PKHD1: variants seen among roughly 807,000 people sequenced by gnomAD.
PKHD1 encodes PKHD1 ciliary IPT domain containing fibrocystin/polyductin.
PKHD1 carries 291 observed loss-of-function variants against 412.0 expected under a neutral mutation model. That is an observed-to-expected ratio of 0.71 (90% CI 0.64 to 0.78). The LOEUF (loss-of-function observed/expected upper bound fraction) is 0.78. PKHD1 is among the 30% of genes least tolerant of loss of function. PKHD1 has a pLI of 0.00. For synonymous variants in PKHD1, 1,777 were observed against 1,821.5 expected, an observed-to-expected ratio of 0.98 and a Z score of 0.62; for missense variants, 4,825 against 4,950.7, an observed-to-expected ratio of 0.97 and a Z score of 0.76.
intron 42 of PKHD1, 22 bp from the exon 43 acceptor site, chr6:51,903,749 G>A (rs769004655): frequency 1.3e-6 from 2 of 1,599,652 alleles, no homozygotes; most frequent in Admixed American, 1.7e-5. Context: ...ACAAATCCAG[G>A]GGATCCACAA....
At chr6:51,832,117 T>C (rs1181810506) in intron 51 of PKHD1, among the ~76,000 whole-genome samples, 2 of 152,118 alleles carry the variant, frequency 1.3e-5, no homozygotes, top group Non-Finnish European at 2.9e-5. Flanking sequence ...AAATAACATG[T>C]CACCCTTGCC....
At chr6:51,894,088 G>A (rs1166700701) in intron 43 of PKHD1, among the ~76,000 whole-genome samples, 1 of 152,228 alleles carries the variant, frequency 6.6e-6, no homozygotes, top group Non-Finnish European at 1.5e-5. Flanking sequence ...CACAGGTTAT[G>A]TCTTCTGGAA....
intron 60 of PKHD1, among the ~76,000 whole-genome samples, chr6:51,703,878 G>C (rs1440432615): frequency 6.6e-6 from 1 of 151,972 alleles, no homozygotes; most frequent in Non-Finnish European, 1.5e-5. Context: ...AGCTCATCTG[G>C]AAATAAACAT....
chr6:51,966,265 AC>A (rs1792792574), intron 35 of PKHD1, among the ~76,000 whole-genome samples: 1 of 152,128 alleles, frequency 6.6e-6, no homozygotes, highest in East Asian at 1.9e-4. Flanking sequence ...TGTAAGATGT[AC>A]CTTGGTTCCA....
chr6:51,773,212 G>A lies in PKHD1; in HGVS notation c.8555-423C>T, dbSNP rs540490511. 5.3e-5 allele frequency among the ~76,000 whole-genome samples: 8 copies of A among 152,104 alleles called. No individual in the cohort carries two copies. The South Asian group carries it at 1.7e-3, about 32-fold the overall frequency. On this transcript the variant is annotated intron_variant, in intron 54 of 66. Transcript: ENST00000371117. ...GTTAACTCTATTTCCTTAGGATAGA[G>A]TTTTGGAGCTATTAGCTTTATGTTT...
chr6:51,855,880 T>C lies in PKHD1; in HGVS notation c.7911+13A>G, dbSNP rs1773212473. On this transcript the variant is annotated intron_variant, in intron 49 of 66. Coordinates refer to ENST00000371117, the MANE Select transcript of PKHD1 (RefSeq NM_138694.4). ...AGAATGCAGCATACCAACTAATGGA[T>C]TCCTTGGGTTACCTGCAGAGATCTG... 6.3e-7 allele frequency: 1 copy of C among 1,598,854 alleles called. No homozygotes were observed. Among genetic ancestry groups the C allele is most frequent in the South Asian group, 1.1e-5 (1 of 90,746 alleles).
At chr6:51,771,651 A>G (rs1790161242) in intron 55 of PKHD1, among the ~76,000 whole-genome samples, 1 of 152,028 alleles carries the variant, frequency 6.6e-6, no homozygotes, top group Non-Finnish European at 1.5e-5. Context: ...TGTTTTAATA[A>G]CCATAGTTAC....
chr6:51,991,414 C>G (rs748832188), intron 35 of PKHD1, among the ~76,000 whole-genome samples: 4 of 152,112 alleles, frequency 2.6e-5, no homozygotes, highest in Non-Finnish European at 5.9e-5. Context: ...CAAGTTAAAA[C>G]TCACCTTCAC....
Position 51,883,163 on chromosome 6 carries a change from A to G in PKHD1, c.7280T>C (p.Ile2427Thr), listed in dbSNP as rs398124492. The part of the protein sequence containing the change: ...FKVYSCRDFG[I>T]DVLESDANTS... The stretch of plus-strand genomic sequence containing the variant: ...ATTTGCATCACTTTCCAAGACGTCA[A>G]TTCCAAAATCTCTGCATGAATAAAC... The change falls in exon 46 of 67, where the codon ATT becomes ACT. Residue 2427 changes from isoleucine to threonine, a missense_variant. By Grantham distance (89) the Ile-to-Thr change is moderately conservative. Transcript: ENST00000371117. 5.3e-5 allele frequency: 86 copies of G among 1,611,916 alleles called. No homozygotes were observed. The highest frequency in any genetic ancestry group is 7.0e-5 in the Non-Finnish European group (82 of 1,178,084).
intron 20 of PKHD1, among the ~76,000 whole-genome samples, 158 bp downstream of exon 20, chr6:52,053,880 T>G (rs539502500): frequency 6.6e-6 from 1 of 152,220 alleles, no homozygotes; most frequent in Admixed American, 6.5e-5. Context: ...TGCTCTGGAG[T>G]CAAACTTTTT....
At chr6:52,039,859 C>T (rs1169512538) in intron 27 of PKHD1, among the ~76,000 whole-genome samples, 1 of 152,086 alleles carries the variant, frequency 6.6e-6, no homozygotes, top group African/African-American at 2.4e-5. Context: ...AATCCAAATG[C>T]ACATGATGAG....
intron 60 of PKHD1, among the ~76,000 whole-genome samples, chr6:51,672,486 G>T (rs112958213): frequency 0.021 from 3,144 of 152,286 alleles, 55 homozygotes; most frequent in Non-Finnish European, 0.034. Context: ...AGCCTTGCAA[G>T]GGGCGCATGT....
rs1285321974 is a variant in PKHD1, at chr6:52,079,923, G to C, written c.367C>G (p.Pro123Ala). Residue 123 changes from proline to alanine, a missense_variant, in exon 5 of 67, where the codon CCA (proline) becomes GCA (alanine). Coordinates refer to ENST00000371117, the MANE Select transcript of PKHD1 (RefSeq NM_138694.4). ...ACCTTGAAAGTACAGCTATCTCGTG[G>C]TCCTGGATTTGGACTGCTTACCAGC... ...GQLVSSPNPG[P>A]RDSCTFKFSK... 2 of 1,601,320 alleles carry C rather than the reference G, an allele frequency of 1.2e-6. No homozygotes were observed. The highest frequency in any genetic ancestry group is 2.7e-5 in the African/African-American group (2 of 74,614).
intron 57 of PKHD1, 104 bp from the exon 58 acceptor site, chr6:51,748,769 TAAGTTTATTC>T: frequency 2.1e-6 from 2 of 937,126 alleles, no homozygotes; most frequent in Non-Finnish European, 3.5e-6. Flanking sequence ...AATGAAAATG[TAAGTTTATTC>T]TCAACACCAA....
chr6:51,734,316 TGGG>T (rs1382484584), intron 60 of PKHD1, among the ~76,000 whole-genome samples: 2 of 152,100 alleles, frequency 1.3e-5, no homozygotes, highest in Non-Finnish European at 2.9e-5. Flanking sequence ...AATTAGAAAA[TGGG>T]GGAATATTCT....
At chr6:51,770,560 T>C (rs1041294202) in intron 55 of PKHD1, among the ~76,000 whole-genome samples, 1 of 151,936 alleles carries the variant, frequency 6.6e-6, no homozygotes, top group African/African-American at 2.4e-5. Context: ...CTGGCAAATT[T>C]GTACTTACTT....
chr6:51,899,831 A>G (rs1413557286), intron 43 of PKHD1, among the ~76,000 whole-genome samples: 2 of 152,224 alleles, frequency 1.3e-5, no homozygotes, highest in Non-Finnish European at 2.9e-5. Context: ...TCAGGATACA[A>G]TATCAATGTA....
At chr6:51,788,880 G>C (rs985138033) in intron 53 of PKHD1, among the ~76,000 whole-genome samples, 4 of 152,174 alleles carry the variant, frequency 2.6e-5, no homozygotes, top group African/African-American at 4.8e-5. Context: ...TCCCTCTGAA[G>C]AAGGTTCTAC....
chr6:51,629,516 A>AT (rs1384622755), intron 65 of PKHD1, among the ~76,000 whole-genome samples: 4 of 151,938 alleles, frequency 2.6e-5, no homozygotes, highest in Admixed American at 6.6e-5. Context: ...CAAGGTATAC[A>AT]TTTTTTGGAT....
Sources: allele counts gnomAD v4.1 joint callset (sites outside exome capture counted in the v4.1 genomes callset), GRCh38; gene constraint gnomAD v4.1.1; transcripts MANE v1.5; gene names NCBI Gene and HGNC (gene_info 2026-07-23, HGNC 2026-07-21).